The following C1orf21 variants were observed in gnomAD, a reference collection of about 807,000 sequenced individuals.
The protein encoded by C1orf21 is chromosome 1 open reading frame 21.
C1orf21 carries 3 observed loss-of-function variants against 18.7 expected under a neutral mutation model. The observed-to-expected ratio is 0.16, with a 90% CI of 0.07 to 0.42. C1orf21 has a LOEUF of 0.42. Ranked by LOEUF, C1orf21 falls within the 10% of genes least tolerant of loss-of-function variation. The pLI, the probability that C1orf21 is intolerant of heterozygous loss-of-function variation, is 0.99. For synonymous variants in C1orf21, 41 were observed against 46.4 expected, an observed-to-expected ratio of 0.88 and a Z score of 0.47; for missense variants, 104 against 143.6, an observed-to-expected ratio of 0.72 and a Z score of 1.41.
intron 2 of C1orf21, among the ~76,000 whole-genome samples, chr1:184,502,131 G>T (rs1465947466): frequency 2.0e-5 from 3 of 149,814 alleles, no homozygotes; most frequent in Non-Finnish European, 4.4e-5. Flanking sequence ...CATTTGTGCT[G>T]CTGTAACAAA....
At chr1:184,554,944 A>T (rs1571275317) in intron 3 of C1orf21, among the ~76,000 whole-genome samples, 2 of 152,326 alleles carry the variant, frequency 1.3e-5, no homozygotes, top group South Asian at 4.1e-4. Context: ...GATTCCAGAG[A>T]CAGCCCTTTA....
intron 2 of C1orf21, among the ~76,000 whole-genome samples, chr1:184,495,957 A>C (rs1180439426): frequency 6.6e-6 from 1 of 151,324 alleles, no homozygotes; most frequent in African/African-American, 2.4e-5. Flanking sequence ...GTGAGTATGT[A>C]AGCTTTCTGT....
At chr1:184,525,746 G>A (rs1291034261) in intron 3 of C1orf21, among the ~76,000 whole-genome samples, 2 of 152,132 alleles carry the variant, frequency 1.3e-5, no homozygotes, top group Non-Finnish European at 2.9e-5. Context: ...TATACAAAAA[G>A]CATTTAAAAC....
intron 3 of C1orf21, among the ~76,000 whole-genome samples, chr1:184,539,150 T>C (rs1658606330): frequency 6.6e-6 from 1 of 152,184 alleles, no homozygotes; most frequent in Non-Finnish European, 1.5e-5. Context: ...ATGTGGCTTT[T>C]ATTGTGTTGA....
At chr1:184,599,969 G>A (rs1368606284) in intron 5 of C1orf21, among the ~76,000 whole-genome samples, 1 of 152,142 alleles carries the variant, frequency 6.6e-6, no homozygotes, top group Non-Finnish European at 1.5e-5. Context: ...TACTCAACCT[G>A]TATTTTCTTC....
chr1:184,447,923 T>A (rs938348611), intron 1 of C1orf21, among the ~76,000 whole-genome samples: 8 of 152,274 alleles, frequency 5.3e-5, no homozygotes, highest in African/African-American at 1.7e-4. Flanking sequence ...AGTGGTCTCA[T>A]TTCCTGACCT....
chr1:184,607,699 A>G (rs1381013435), intron 5 of C1orf21, among the ~76,000 whole-genome samples: 1 of 148,884 alleles, frequency 6.7e-6, no homozygotes, highest in Non-Finnish European at 1.5e-5. Flanking sequence ...GTGTGTGTAT[A>G]TATATACACA....
At chr1:184,560,248 A>G (rs1658943489) in intron 3 of C1orf21, among the ~76,000 whole-genome samples, 1 of 152,250 alleles carries the variant, frequency 6.6e-6, no homozygotes. Context: ...TGCCTAAGAC[A>G]TAATAGTAAT....
At chr1:184,407,777 G>A (rs1465533437) in intron 1 of C1orf21, among the ~76,000 whole-genome samples, 2 of 152,142 alleles carry the variant, frequency 1.3e-5, no homozygotes, top group East Asian at 3.8e-4. Context: ...TGGCTGTTTG[G>A]ATGCCAGATG....
intron 1 of C1orf21, among the ~76,000 whole-genome samples, chr1:184,442,231 A>G (rs953461032): frequency 6.6e-6 from 1 of 152,230 alleles, no homozygotes; most frequent in Non-Finnish European, 1.5e-5. Flanking sequence ...ATAAAATTGT[A>G]GTTGTTCATA....
chr1:184,558,156 T>C (rs1197307252), intron 3 of C1orf21, among the ~76,000 whole-genome samples: 1 of 152,222 alleles, frequency 6.6e-6, no homozygotes, highest in East Asian at 1.9e-4. Flanking sequence ...CCACTTCTTA[T>C]TAATTCATTA....
intron 1 of C1orf21, among the ~76,000 whole-genome samples, chr1:184,405,551 ATTCTTG>A (rs1656230808): frequency 6.6e-6 from 1 of 151,916 alleles, no homozygotes; most frequent in Admixed American, 6.6e-5. Flanking sequence ...CAGTTCCCCC[ATTCTTG>A]CTACCCCTAC....
chr1:184,547,401 A>C (rs1658741232), intron 3 of C1orf21, among the ~76,000 whole-genome samples: 2 of 143,688 alleles, frequency 1.4e-5, no homozygotes, highest in Admixed American at 1.4e-4. Flanking sequence ...CTTCCTTGCC[A>C]TTTAAAGATA....
chr1:184,608,558 C>T (rs1444929303), intron 5 of C1orf21, among the ~76,000 whole-genome samples: 2 of 152,204 alleles, frequency 1.3e-5, no homozygotes, highest in Non-Finnish European at 1.5e-5. Context: ...AATTGCTGTT[C>T]TTATTGGCCA....
chr1:184,463,219 T>A (rs1186937110), intron 1 of C1orf21, among the ~76,000 whole-genome samples: 2 of 152,102 alleles, frequency 1.3e-5, no homozygotes, highest in Admixed American at 6.5e-5. Context: ...ACTGATGCAG[T>A]TGTGCATGCT....
At position 184,577,963 on chromosome 1, in the gene C1orf21, T is replaced by G. The variant is rs187765385; in HGVS notation, c.190-12776T>G. On this transcript the variant is annotated intron_variant, in intron 3 of 5. Coordinates refer to ENST00000235307, the MANE Select transcript of C1orf21 (RefSeq NM_030806.4). Reference sequence around the variant, plus strand: ...TTTTGTTTTGTTTTTGTTTTTTTTTTTTTTTTTTGAGACAGAGTCTCACAC... The same window carrying G: ...TTTTGTTTTGTTTTTGTTTTTTTTTGTTTTTTTTGAGACAGAGTCTCACAC... Among the ~76,000 whole-genome samples, 848 of 146,206 alleles carry G rather than the reference T, an allele frequency of 5.8e-3. 36 individuals carry two copies. The highest frequency in any genetic ancestry group is 0.051 in the Admixed American group (752 of 14,772).
At chr1:184,433,301 C>A (rs933397401) in intron 1 of C1orf21, among the ~76,000 whole-genome samples, 1 of 151,982 alleles carries the variant, frequency 6.6e-6, no homozygotes, top group African/African-American at 2.4e-5. Flanking sequence ...GCTGGGCTGG[C>A]AGAGAGGAGT....
In C1orf21 at chr1:184,502,939, A is replaced by G. The variant is rs550342751; in HGVS notation, c.95-4649A>G. Among the ~76,000 whole-genome samples the G allele has an allele frequency of 2.6e-3, 396 of 151,938 alleles. 1 individual carries two copies. Among genetic ancestry groups the G allele is most frequent in the African/African-American group, 9.1e-3 (377 of 41,426 alleles). On this transcript the variant is annotated intron_variant, in intron 2 of 5. Transcript: ENST00000235307. Reference sequence around the variant, plus strand: ...CAAAAAATACAAAAATTAGGCAGGCATGATGGTGTGCACCTGTGGTCCCAG... The same window carrying G: ...CAAAAAATACAAAAATTAGGCAGGCGTGATGGTGTGCACCTGTGGTCCCAG...
rs191712091 is a variant in C1orf21, at chr1:184,581,775, T to C, written c.190-8964T>C. On this transcript the variant is annotated intron_variant, in intron 3 of 5. Transcript: ENST00000235307. ...CTTAAGATTGTAAATGTTTGCAGTC[T>C]ACCTTGAAAAGCAACTTTGTGAAAA... Among the ~76,000 whole-genome samples, 364 of 152,360 alleles carry C rather than the reference T, an allele frequency of 2.4e-3. 2 individuals carry two copies. The highest frequency in any genetic ancestry group is 8.5e-3 in the African/African-American group (354 of 41,588).
Sources: gnomAD v4.1 joint callset for allele counts (sites outside exome capture counted in the v4.1 genomes callset) on GRCh38, gnomAD v4.1.1 for gene constraint, MANE v1.5 for transcripts, NCBI Gene and HGNC (gene_info 2026-07-23, HGNC 2026-07-21) for gene names.